The following KLF8 variants were observed in gnomAD, a reference collection of about 807,000 sequenced individuals.
KLF8 encodes Krueppel-like factor 8.
In KLF8, 10 loss-of-function variants were observed where a neutral mutation model predicts 18.2. The ratio of observed to expected loss-of-function variants is 0.55; its 90% CI spans 0.34 to 0.93. The LOEUF (loss-of-function observed/expected upper bound fraction) is 0.93. Among genes scored for constraint, KLF8 ranks in the 40% least tolerant of loss-of-function variants. KLF8 has a pLI of 0.02. For synonymous variants in KLF8, 109 were observed against 97.3 expected (o/e 1.12, Z -0.71); for missense variants, 264 against 277.9 (o/e 0.95, Z 0.36).
rs1307063672 is a variant in KLF8, at chrX:56,284,329, A to G, written c.915A>G (p.Lys305=). Residue 305 remains lysine, a synonymous_variant, in exon 6 of 6, where the codon AAA becomes AAG. Coordinates refer to ENST00000468660, the MANE Select transcript of KLF8 (RefSeq NM_007250.5). ...RRIHTGEKPY[K]CTWDGCSWKF... is the part of the protein sequence containing the mutation. The stretch of plus-strand genomic sequence containing the variant: ...CCTTTTTAGGAGAGAAGCCTTATAA[A>G]TGCACCTGGGATGGCTGCTCCTGGA... 1.7e-6 allele frequency: 2 copies of G among 1,160,679 alleles called. No homozygotes were observed. Among genetic ancestry groups the G allele is most frequent in the South Asian group, 4.2e-5 (2 of 48,156 alleles).
chrX:56,278,639 A>G (rs1318416535), intron 5 of KLF8, among the ~76,000 whole-genome samples: 1 of 111,130 alleles, frequency 9.0e-6, no homozygotes, highest in African/African-American at 3.3e-5. Context: ...TGGTGCAACC[A>G]CTGCCTTATC....
the KLF8 span, among the ~76,000 whole-genome samples, chrX:55,959,417 C>T: frequency 1.8e-5 from 2 of 111,964 alleles, no homozygotes; most frequent in South Asian, 7.5e-4. Context: ...CTTAACCAGA[C>T]TGAAATGACA....
At chrX:56,191,806 T>G in the KLF8 span, among the ~76,000 whole-genome samples, 1 of 111,379 alleles carries the variant, frequency 9.0e-6, no homozygotes, top group Non-Finnish European at 1.9e-5. Flanking sequence ...ATTTAAAAAC[T>G]GGGTATTGAT....
At chrX:55,938,188 C>A in the KLF8 span, among the ~76,000 whole-genome samples, 1 of 111,987 alleles carries the variant, frequency 8.9e-6, no homozygotes, top group South Asian at 3.7e-4. Context: ...GGCAGAAGCT[C>A]TACAAGCCAG....
At chrX:56,241,124 G>A (rs1385477790) in intron 1 of KLF8, among the ~76,000 whole-genome samples, 2 of 112,003 alleles carry the variant, frequency 1.8e-5, no homozygotes, top group African/African-American at 6.5e-5. Context: ...GAATCTGAGA[G>A]TAGGCGCATG....
chrX:55,997,642 G>A, the KLF8 span, among the ~76,000 whole-genome samples: 1 of 111,332 alleles, frequency 9.0e-6, no homozygotes, highest in East Asian at 2.8e-4. Flanking sequence ...GAGTGTGCTG[G>A]TCTTCTTGTT....
At chrX:56,123,271 A>AAAAGAAAGAAAGAAAGAAAGAAAG in the KLF8 span, among the ~76,000 whole-genome samples, 50 of 91,308 alleles carry the variant, frequency 5.5e-4, 1 homozygote, top group African/African-American at 2.5e-3. Flanking sequence ...GAAAGAAAGA[A>AAAAGAAAGAAAGAAAGAAAGAAAG]AAAGAAAGAA....
At chrX:56,181,003 G>T in the KLF8 span, among the ~76,000 whole-genome samples, 2 of 111,081 alleles carry the variant, frequency 1.8e-5, no homozygotes, top group African/African-American at 6.6e-5. Context: ...CTGAGTTCAA[G>T]TCCTGAATGT....
At chrX:56,064,581 A>G in the KLF8 span, among the ~76,000 whole-genome samples, 2 of 111,353 alleles carry the variant, frequency 1.8e-5, no homozygotes, top group Non-Finnish European at 3.8e-5. Flanking sequence ...TGTTTTATAT[A>G]TTCTTTGTTT....
At chrX:56,169,452 C>A in the KLF8 span, among the ~76,000 whole-genome samples, 1 of 110,939 alleles carries the variant, frequency 9.0e-6, no homozygotes, top group Non-Finnish European at 1.9e-5. Flanking sequence ...TCTGGACCTG[C>A]CTTGGGCCAG....
chrX:56,047,063 T>A, the KLF8 span, among the ~76,000 whole-genome samples: 4 of 84,985 alleles, frequency 4.7e-5, no homozygotes, highest in Non-Finnish European at 7.9e-5. Context: ...CATTTTTTAA[T>A]TTTTTTTTTT....
the KLF8 span, among the ~76,000 whole-genome samples, chrX:56,170,765 T>C: frequency 1.8e-5 from 2 of 111,433 alleles, no homozygotes; most frequent in Non-Finnish European, 3.8e-5. Context: ...AGAAAGTTTA[T>C]TCAAAGGAAA....
chrX:56,056,832 A>T, the KLF8 span, among the ~76,000 whole-genome samples: 1 of 73,850 alleles, frequency 1.4e-5, no homozygotes, highest in African/African-American at 1.1e-4. Context: ...TTGCAGGTGT[A>T]AAAAAAAAAA....
At chrX:55,947,895 T>C in the KLF8 span, among the ~76,000 whole-genome samples, 1 of 112,355 alleles carries the variant, frequency 8.9e-6, no homozygotes, top group Non-Finnish European at 1.9e-5. Flanking sequence ...GAAACATAAC[T>C]TTTTCTCATG....
At chrX:56,070,076 A>G in the KLF8 span, among the ~76,000 whole-genome samples, 2 of 112,588 alleles carry the variant, frequency 1.8e-5, no homozygotes, top group African/African-American at 6.5e-5. Flanking sequence ...CAGCCATAAA[A>G]AAGAATAAGT....
At chrX:55,987,286 G>A in the KLF8 span, among the ~76,000 whole-genome samples, 1 of 109,482 alleles carries the variant, frequency 9.1e-6, no homozygotes, top group African/African-American at 3.3e-5. Flanking sequence ...TGCCATGTTG[G>A]TGTACTGCAC....
chrX:56,161,067 T>C, the KLF8 span, among the ~76,000 whole-genome samples: 1 of 111,638 alleles, frequency 9.0e-6, no homozygotes, highest in Non-Finnish European at 1.9e-5. Flanking sequence ...CTTCAGGAGC[T>C]CTTTTAGGGC....
At chrX:56,243,010 T>C (rs773149335) in intron 1 of KLF8, 17 of 499,034 alleles carry the variant, frequency 3.4e-5, no homozygotes, top group African/African-American at 2.8e-4. Flanking sequence ...TGCCTTCTTC[T>C]CTCCATCAGG....
chrX:55,946,131 A>G, the KLF8 span, among the ~76,000 whole-genome samples: 2 of 111,765 alleles, frequency 1.8e-5, no homozygotes, highest in African/African-American at 6.5e-5. Context: ...ATTGGAAAAA[A>G]CTACTTTAAA....
Sources: gnomAD v4.1 joint callset for allele counts (sites outside exome capture counted in the v4.1 genomes callset) on GRCh38, gnomAD v4.1.1 for gene constraint, MANE v1.5 for transcripts, NCBI Gene and HGNC (gene_info 2026-07-23, HGNC 2026-07-21) for gene names.